Variants in STKLD1 observed in about 807,000 individuals in gnomAD.
The protein encoded by STKLD1 is serine/threonine kinase-like domain-containing protein STKLD1.
Under a neutral mutation model 80.4 loss-of-function variants are expected in STKLD1, and 79 were observed. That is an observed-to-expected ratio of 0.98 (90% CI 0.82 to 1.19). The LOEUF (loss-of-function observed/expected upper bound fraction) is 1.19. Among genes scored for constraint, STKLD1 ranks in the 50% most tolerant of loss-of-function variants. The probability of loss-of-function intolerance (pLI) is 0.00; values close to 1 mark genes in which losing one functional copy is unlikely to be tolerated. For missense variants in STKLD1, 841 were observed against 856.0 expected (o/e 0.98, Z 0.22); for synonymous variants, 393 against 357.6 (o/e 1.10, Z -1.12).
At chr9:133,380,632 G>A (rs1219249662) in intron 2 of STKLD1, among the ~76,000 whole-genome samples, 3 of 152,062 alleles carry the variant, frequency 2.0e-5, no homozygotes, top group African/African-American at 7.2e-5. Context: ...CAGCCTGGGT[G>A]ACACAGCGAG....
intron 7 of STKLD1, among the ~76,000 whole-genome samples, chr9:133,392,177 C>T (rs28441527): frequency 0.01 from 1,563 of 151,582 alleles, 16 homozygotes; most frequent in African/African-American, 0.033. Flanking sequence ...ACCGGGTTCA[C>T]GCCATTCTCC....
At chr9:133,387,251 G>A (rs1838284143) in intron 4 of STKLD1, among the ~76,000 whole-genome samples, 196 bp from the exon 5 acceptor site, 1 of 151,422 alleles carries the variant, frequency 6.6e-6, no homozygotes, top group South Asian at 2.1e-4. Context: ...TGGAGTGGAG[G>A]TGGAGCCTGG....
intron 8 of STKLD1, 100 bp from the exon 9 acceptor site, chr9:133,395,500 T>G (rs989718641): frequency 1.3e-5 from 18 of 1,338,284 alleles, no homozygotes; most frequent in Middle Eastern, 2.7e-4. Flanking sequence ...CTCCCTGGTC[T>G]CCTCCTGGAT....
rs2130281019 is a variant in STKLD1 at position 133,387,843 on chromosome 9, G to A, written c.396+295G>A. Reference sequence around the variant, plus strand: ...TGTTCTGCCGGTCCCTGAAGTTCCTGTAAATGGACTCGTCCGGCATGCTGC... The same window carrying A: ...TGTTCTGCCGGTCCCTGAAGTTCCTATAAATGGACTCGTCCGGCATGCTGC... On this transcript the variant is annotated intron_variant, in intron 5 of 17. Coordinates refer to ENST00000371957, the MANE Select transcript of STKLD1 (RefSeq NM_153710.5). 17 of 540,144 alleles carry A rather than the reference G, an allele frequency of 3.1e-5. No homozygotes were observed. In the East Asian group the frequency reaches 4.5e-4, roughly 14 times the overall value. 33.5% of individuals were successfully genotyped at this position (540,144 alleles called of 1,614,324 possible).
chr9:133,399,261 C>T (rs1224518948), intron 11 of STKLD1, among the ~76,000 whole-genome samples: 1 of 152,092 alleles, frequency 6.6e-6, no homozygotes, highest in African/African-American at 2.4e-5. Context: ...CACCCATCCA[C>T]CCATCCATCC....
intron 2 of STKLD1, among the ~76,000 whole-genome samples, chr9:133,382,192 G>T (rs2130267853): frequency 6.6e-6 from 1 of 152,148 alleles, no homozygotes; most frequent in Non-Finnish European, 1.5e-5. Flanking sequence ...TCCCCATGTG[G>T]GTAAGGAATG....
chr9:133,401,862 C>T lies in STKLD1; in HGVS notation c.1323C>T (p.Ala441=). The change falls in exon 13 of 18, where the codon GCC becomes GCT. Residue 441 remains alanine (A), a synonymous_variant. Transcript: ENST00000371957. Reference sequence around the variant, plus strand: ...TTGTCATGGTCTACAGCCTGCTAGCCATCACCACAACCCAGGGTGTGTCTG... The same window carrying T: ...TTGTCATGGTCTACAGCCTGCTAGCTATCACCACAACCCAGGGTGTGTCTG... ...PLLVMVYSLL[A]ITTTQESESL... The T allele has an allele frequency of 6.2e-7, 1 of 1,613,532 alleles. No individual in the cohort carries two copies. The highest frequency in any genetic ancestry group is 8.5e-7 in the Non-Finnish European group (1 of 1,180,008).
At chr9:133,393,956 T>G in intron 7 of STKLD1, 1 of 268,564 alleles carries the variant, frequency 3.7e-6, no homozygotes, top group Admixed American at 4.9e-5. Flanking sequence ...TTTAGAGGGG[T>G]GCACAGTTTC....
At chr9:133,380,213 T>C (rs1838099164) in intron 2 of STKLD1, among the ~76,000 whole-genome samples, 1 of 152,138 alleles carries the variant, frequency 6.6e-6, no homozygotes, top group Non-Finnish European at 1.5e-5. Flanking sequence ...TTTTTTGTAT[T>C]TTAGTAGAGA....
chr9:133,402,739 C>T (rs587651905), intron 13 of STKLD1, 139 bp from the exon 14 acceptor site: 100 of 896,210 alleles, frequency 1.1e-4, no homozygotes, highest in Middle Eastern at 1.0e-3. Flanking sequence ...TTCAGGGCTC[C>T]ATTGAGTGCA....
chr9:133,376,437 G>A lies in STKLD1; in HGVS notation c.-37G>A. On this transcript the variant is annotated 5_prime_UTR_variant, in exon 1 of 18. Coordinates refer to ENST00000371957, the MANE Select transcript of STKLD1 (RefSeq NM_153710.5). Reference sequence around the variant, plus strand: ...CACTGACCCACGCGGGGTGGGGCCAGGGGTGGACGCTCGCCCGTACGCGGT... The same window carrying A: ...CACTGACCCACGCGGGGTGGGGCCAAGGGTGGACGCTCGCCCGTACGCGGT... 5 of 1,542,440 alleles carry A rather than the reference G, an allele frequency of 3.2e-6. No homozygotes were observed. Among genetic ancestry groups the A allele is most frequent in the Non-Finnish European group, 4.4e-6 (5 of 1,145,868 alleles).
At chr9:133,402,552 G>A (rs902977676) in intron 13 of STKLD1, among the ~76,000 whole-genome samples, 8 of 152,256 alleles carry the variant, frequency 5.3e-5, no homozygotes, top group South Asian at 2.1e-4. Context: ...ATAGGGCCCC[G>A]TCATGGTTCC....
intron 16 of STKLD1, 75 bp downstream of exon 16, chr9:133,404,123 A>G (rs940375799): frequency 6.8e-7 from 1 of 1,477,290 alleles, no homozygotes; most frequent in Non-Finnish European, 9.0e-7. Context: ...TACATCTGCC[A>G]GGTGCCACAA....
Position 133,397,279 on chromosome 9 carries a change from G to A in STKLD1, c.982G>A (p.Val328Met), listed in dbSNP as rs782347583. Residue 328 changes from valine to methionine, a missense_variant, in exon 10 of 18, where the codon GTG becomes ATG. Transcript: ENST00000371957. ...SITDMLLEGN[V>M]ASILEVMQKF... ...CACCGACATGCTGTTAGAAGGCAAC[G>A]TGGCCAGCATTTTAGGTGATGCTGG... The A allele has an allele frequency of 1.5e-5, 24 of 1,613,646 alleles. 1 individual carries two copies. The South Asian group carries it at 2.0e-4, about 13-fold the overall frequency.
At chr9:133,376,620 A>C (rs1055431290) in intron 1 of STKLD1, 60 bp downstream of exon 1, 40 of 1,437,700 alleles carry the variant, frequency 2.8e-5, no homozygotes, top group Non-Finnish European at 3.2e-5. Flanking sequence ...GCAACCCTGG[A>C]GCTACGGCCG....
chr9:133,405,187 C>G, intron 17 of STKLD1, 65 bp from the exon 18 acceptor site: 3 of 1,526,704 alleles, frequency 2.0e-6, no homozygotes, highest in Non-Finnish European at 2.6e-6. Context: ...TCTCATCCTT[C>G]TGGGGCTTCT....
Position 133,385,791 on chromosome 9 carries a change from A to G in STKLD1, c.294+100A>G. 9.0e-7 allele frequency: 1 copy of G among 1,117,050 alleles called. No homozygotes were observed. The highest frequency in any genetic ancestry group is 1.3e-6 in the Non-Finnish European group (1 of 753,118). 69.2% of individuals were successfully genotyped at this position (1,117,050 alleles called of 1,614,324 possible). ...CACGCCCACCCCCCACTGTCAGAAT[A>G]GCTCGTGTGGCAATGGCAGTGACTG... On this transcript the variant is annotated intron_variant, in intron 4 of 17. Transcript: ENST00000371957. The surrounding 1 kb of genome is among the most constrained non-coding windows in gnomAD (Gnocchi z 4.9).
intron 16 of STKLD1, among the ~76,000 whole-genome samples, 155 bp downstream of exon 16, chr9:133,404,203 A>G (rs1838782022): frequency 6.6e-6 from 1 of 152,240 alleles, no homozygotes. Flanking sequence ...AGTCATCCAG[A>G]AATCACCATC....
rs2130259052 is a variant in STKLD1, at chr9:133,378,988, G to A, written c.88-48G>A. The stretch of plus-strand genomic sequence containing the variant: ...AGTTGGAGCTGGGCTTTTGGAAAGG[G>A]AAAAGTTGTGTGCATTTCCTGAAAG... On this transcript the variant is annotated intron_variant, in intron 1 of 17. Transcript: ENST00000371957. 3 of 1,570,898 alleles carry A rather than the reference G, an allele frequency of 1.9e-6. No homozygotes were observed. The South Asian group carries it at 3.4e-5, about 18-fold the overall frequency.
Sources: allele counts gnomAD v4.1 joint callset (sites outside exome capture counted in the v4.1 genomes callset), GRCh38; gene constraint gnomAD v4.1.1; non-coding constraint Gnocchi (gnomAD v3.1); transcripts MANE v1.5; gene names NCBI Gene and HGNC (gene_info 2026-07-23, HGNC 2026-07-21).